PTPRS: variants seen among roughly 807,000 people sequenced by gnomAD.
PTPRS encodes receptor-type tyrosine-protein phosphatase S.
Under a neutral mutation model 215.3 loss-of-function variants are expected in PTPRS, and 63 were observed. The ratio of observed to expected loss-of-function variants is 0.29; its 90% CI spans 0.24 to 0.36. The LOEUF is 0.36. Among genes scored for constraint, PTPRS ranks in the 10% least tolerant of loss-of-function variants. The probability of loss-of-function intolerance (pLI) is 1.00; values close to 1 mark genes in which losing one functional copy is unlikely to be tolerated. For synonymous variants in PTPRS, 1,404 were observed against 1,191.4 expected, an observed-to-expected ratio of 1.18 and a Z score of -3.68; for missense variants, 2,258 against 2,825.8, an observed-to-expected ratio of 0.80 and a Z score of 4.56.
At chr19:5,239,177 G>GAT in intron 12 of PTPRS, 114 bp from the exon 13 acceptor site, 1 of 723,450 alleles carries the variant, frequency 1.4e-6, no homozygotes, top group South Asian at 1.6e-5. Context: ...GAGAGAGAGA[G>GAT]AGAGAGAGAG....
At chr19:5,264,292 G>GC (rs2046246305) in intron 5 of PTPRS, among the ~76,000 whole-genome samples, 2 of 152,074 alleles carry the variant, frequency 1.3e-5, no homozygotes. Context: ...GCCTGTCTGG[G>GC]CCCCACTGTA....
At chr19:5,302,538 G>C (rs1314919423) in intron 1 of PTPRS, among the ~76,000 whole-genome samples, 2 of 152,168 alleles carry the variant, frequency 1.3e-5, no homozygotes, top group African/African-American at 4.8e-5. Context: ...TCCCATGGTC[G>C]CTGGATACTG....
rs2043589098 is a variant in PTPRS, at chr19:5,237,665, T to C, written c.1849+1254A>G. Among the ~76,000 whole-genome samples the C allele has an allele frequency of 6.6e-6, 1 of 152,084 alleles. No individual in the cohort carries two copies. The highest frequency in any genetic ancestry group is 2.1e-4 in the South Asian group (1 of 4,828). ...GGGCACGCGGGGTGGGCCGTTTTTG[T>C]GAACCTGCTTGAGACCAGCGTGTAC... On this transcript the variant is annotated intron_variant, in intron 13 of 37. Transcript: ENST00000262963. This position sits in a 1 kb window ranked among gnomAD's most constrained non-coding sequence, Gnocchi z 4.2.
At chr19:5,255,992 G>A (rs143968199) in intron 9 of PTPRS, 116 bp downstream of exon 9, 58 of 671,114 alleles carry the variant, frequency 8.6e-5, no homozygotes, top group African/African-American at 6.9e-4. Flanking sequence ...TTTTTTTTCC[G>A]TGTGTGTGTC....
At chr19:5,289,173 C>G (rs576748750) in intron 1 of PTPRS, among the ~76,000 whole-genome samples, 4 of 152,176 alleles carry the variant, frequency 2.6e-5, no homozygotes, top group Middle Eastern at 3.4e-3. Context: ...CCCTGCACAC[C>G]CACAATCCTC....
In PTPRS at chr19:5,287,115, C is replaced by A. The variant is rs991292366; in HGVS notation, c.-94-881G>T. ...TCTTGCTGACTTCACTGTTTCCTCT[C>A]GCTTGGAGGTACAGCCAGGCCAGCC... On this transcript the variant is annotated intron_variant, in intron 1 of 37. Transcript: ENST00000262963. This position sits in a 1 kb window ranked among gnomAD's most constrained non-coding sequence, Gnocchi z 4.8. 6.6e-6 allele frequency among the ~76,000 whole-genome samples: 1 copy of A among 152,160 alleles called. No homozygotes were observed. Among genetic ancestry groups the A allele is most frequent in the South Asian group, 2.1e-4 (1 of 4,832 alleles).
chr19:5,269,146 C>A lies in PTPRS; in HGVS notation c.380-3950G>T, dbSNP rs138432713. Among the ~76,000 whole-genome samples the A allele has an allele frequency of 2.6e-5, 4 of 152,170 alleles. No homozygotes were observed. In the East Asian group the frequency reaches 7.8e-4, roughly 30 times the overall value. On this transcript the variant is annotated intron_variant, in intron 4 of 37. Transcript: ENST00000262963. ...GAGGGAACCCTGTATTTCATTCATG[C>A]GTGGGTACATGTGTGCCGCATGTAT...
At chr19:5,329,488 G>T (rs915552579) in intron 1 of PTPRS, among the ~76,000 whole-genome samples, 2 of 152,112 alleles carry the variant, frequency 1.3e-5, no homozygotes, top group Non-Finnish European at 2.9e-5. Context: ...TATTAAGGCC[G>T]GGCACAGTGG....
At chr19:5,218,661 A>C (rs1281608690) in intron 24 of PTPRS, 126 bp downstream of exon 24, 1 of 1,506,478 alleles carries the variant, frequency 6.6e-7, no homozygotes, top group Non-Finnish European at 9.2e-7. Flanking sequence ...TTCCAGGACC[A>C]AGTACAGCTA....
At chr19:5,336,869 C>T (rs1184566931) in intron 1 of PTPRS, among the ~76,000 whole-genome samples, 2 of 152,120 alleles carry the variant, frequency 1.3e-5, no homozygotes. Context: ...CAGGGAAGGA[C>T]GGAGGAAGGG....
At position 5,244,632 on chromosome 19, in the gene PTPRS, G is replaced by A. The variant is rs2044311899; in HGVS notation, c.989-150C>T. On this transcript the variant is annotated intron_variant, in intron 10 of 37. Coordinates refer to ENST00000262963, the MANE Select transcript of PTPRS (RefSeq NM_002850.4). The surrounding 1 kb of genome is among the most constrained non-coding windows in gnomAD (Gnocchi z 7.2). ...CTCATGACTCCTGTCATCGTCTACA[G>A]CAAGGGGTAACAAACTATGGCCCAG... The A allele has an allele frequency of 4.6e-6, 3 of 657,402 alleles. No individual in the cohort carries two copies. The African/African-American group carries it at 5.5e-5, about 12-fold the overall frequency. 40.7% of individuals were successfully genotyped at this position (657,402 alleles called of 1,614,324 possible).
chr19:5,243,968 C>T lies in PTPRS; in HGVS notation c.1503G>A (p.Val501=), dbSNP rs1192384357. ...CGTCGCCGACGGAGGTGAAGGCGAG[C>T]ACCCGCACGGTGTAGGTCTCGTCCT... The part of the protein sequence containing the change: ...LLEDETYTVR[V]LAFTSVGDGP... The change falls in exon 11 of 38, where the codon GTG becomes GTA. Residue 501 remains valine (V), a synonymous_variant. Transcript: ENST00000262963. 1.3e-6 allele frequency: 2 copies of T among 1,598,764 alleles called. No homozygotes were observed. Among genetic ancestry groups the T allele is most frequent in the Non-Finnish European group, 8.5e-7 (1 of 1,178,094 alleles).
chr19:5,311,478 G>T (rs1461937296), intron 1 of PTPRS, among the ~76,000 whole-genome samples: 1 of 152,142 alleles, frequency 6.6e-6, no homozygotes, highest in Admixed American at 6.6e-5. Context: ...GCAGGGTCCT[G>T]GGCCCAGAAA....
Position 5,319,729 on chromosome 19 carries a change from T to A in PTPRS, c.-95+20935A>T, listed in dbSNP as rs143950121. On this transcript the variant is annotated intron_variant, in intron 1 of 37. Transcript: ENST00000262963. ...CAGGCGTGGTCCTGCCCCGGGGCCT[T>A]GGCACACGCTGTGCCGTCTGCCTGG... is the stretch of plus-strand genomic sequence containing the variant. Among the ~76,000 whole-genome samples, 95 of 152,106 alleles carry A rather than the reference T, an allele frequency of 6.2e-4. 1 individual carries two copies. In the East Asian group the frequency reaches 0.018, roughly 29 times the overall value.
At chr19:5,260,733 C>CT in intron 7 of PTPRS, 72 bp downstream of exon 7, 1 of 1,583,758 alleles carries the variant, frequency 6.3e-7, no homozygotes, top group Non-Finnish European at 8.7e-7. Context: ...GGGGCAGGCC[C>CT]TGTGGAGCCT....
chr19:5,273,384 C>T lies in PTPRS; in HGVS notation c.379+58G>A, dbSNP rs112323334. On this transcript the variant is annotated intron_variant, in intron 4 of 37. Coordinates refer to ENST00000262963, the MANE Select transcript of PTPRS (RefSeq NM_002850.4). ...GTAACTTTCATGTATTCCTTTTGTG[C>T]TTGTCCCCAAAGCCCAGGGCCCAGT... The T allele has an allele frequency of 8.7e-4, 1,397 of 1,611,130 alleles. 14 individuals carry two copies. In the African/African-American group the frequency reaches 0.017, roughly 20 times the overall value.
chr19:5,256,047 T>G (rs1362694006), intron 9 of PTPRS, 61 bp downstream of exon 9: 4 of 1,444,230 alleles, frequency 2.8e-6, no homozygotes, highest in Non-Finnish European at 3.8e-6. Flanking sequence ...TGTGTGTGCG[T>G]GTCATTTTCA....
rs568453610 is a variant in PTPRS at position 5,288,306 on chromosome 19, G to A, written c.-94-2072C>T. ...TGCATGTGCCAGCCAGCCAAATAGA[G>A]ATATGCAAAGTCAGATTCCCTTCCT... On this transcript the variant is annotated intron_variant, in intron 1 of 37. Coordinates refer to ENST00000262963, the MANE Select transcript of PTPRS (RefSeq NM_002850.4). Among the ~76,000 whole-genome samples the A allele has an allele frequency of 2.7e-4, 41 of 152,188 alleles. No homozygotes were observed. The South Asian group carries it at 7.5e-3, about 28-fold the overall frequency.
intron 2 of PTPRS, 136 bp from the exon 3 acceptor site, chr19:5,274,480 A>G (rs774777926): frequency 9.0e-6 from 10 of 1,115,146 alleles, no homozygotes; most frequent in Non-Finnish European, 1.2e-5. Flanking sequence ...AGGAGGAGGA[A>G]AGCAAGGATG....
Sources: gnomAD v4.1 joint callset for allele counts (sites outside exome capture counted in the v4.1 genomes callset) on GRCh38, gnomAD v4.1.1 for gene constraint, Gnocchi (gnomAD v3.1) non-coding constraint, MANE v1.5 for transcripts, NCBI Gene and HGNC (gene_info 2026-07-23, HGNC 2026-07-21) for gene names.